Variants in PARD3 observed in about 807,000 individuals in gnomAD.
PARD3 encodes the protein par-3 family cell polarity regulator.
PARD3 carries 75 observed loss-of-function variants against 155.4 expected under a neutral mutation model. That is an observed-to-expected ratio of 0.48 (90% confidence interval 0.40 to 0.58). The LOEUF is 0.58. PARD3 is among the 20% of genes least tolerant of loss of function. The probability of loss-of-function intolerance (pLI) is 0.00; values close to 1 mark genes in which losing one functional copy is unlikely to be tolerated. For missense variants in PARD3, 1,642 were observed against 1,721.7 expected (o/e 0.95, Z 0.82); for synonymous variants, 576 against 610.5 (o/e 0.94, Z 0.83).
intron 22 of PARD3, among the ~76,000 whole-genome samples, chr10:34,260,968 A>T (rs1362609248): frequency 6.6e-6 from 1 of 152,322 alleles, no homozygotes; most frequent in East Asian, 1.9e-4. Context: ...TTCTTTTAAA[A>T]TCGACATTTT....
intron 22 of PARD3, among the ~76,000 whole-genome samples, chr10:34,175,967 A>G (rs1219125269): frequency 6.6e-6 from 1 of 152,234 alleles, no homozygotes; most frequent in Non-Finnish European, 1.5e-5. Context: ...TGGTGACTTC[A>G]GTCACTCAGC....
At chr10:34,199,485 G>C (rs959509301) in intron 22 of PARD3, among the ~76,000 whole-genome samples, 3 of 152,136 alleles carry the variant, frequency 2.0e-5, no homozygotes, top group East Asian at 1.9e-4. Context: ...AGTGAAGGCA[G>C]AGCTCAGAGT....
chr10:34,384,776 T>A (rs184353076), intron 7 of PARD3, among the ~76,000 whole-genome samples: 1 of 152,206 alleles, frequency 6.6e-6, no homozygotes, highest in African/African-American at 2.4e-5. Flanking sequence ...TGCTTTGCAT[T>A]TGAATTTGAT....
At chr10:34,316,336 C>T (rs1958002922) in intron 20 of PARD3, among the ~76,000 whole-genome samples, 1 of 152,136 alleles carries the variant, frequency 6.6e-6, no homozygotes, top group South Asian at 2.1e-4. Flanking sequence ...TTCAGTGCAA[C>T]TTCTGAACAA....
intron 22 of PARD3, among the ~76,000 whole-genome samples, chr10:34,261,757 AAAGGAAGG>A (rs1264812859): frequency 2.2e-4 from 18 of 80,446 alleles, no homozygotes; most frequent in African/African-American, 7.7e-4. Context: ...AGGAAGGAAG[AAAGGAAGG>A]AAGGAAGAAA....
intron 22 of PARD3, among the ~76,000 whole-genome samples, chr10:34,241,830 T>C (rs570932205): frequency 1.3e-5 from 2 of 152,156 alleles, no homozygotes; most frequent in Non-Finnish European, 2.9e-5. Context: ...AGGTTCTAAA[T>C]AGGCGTCATC....
At chr10:34,350,659 T>A (rs192775196) in intron 14 of PARD3, among the ~76,000 whole-genome samples, 27 of 150,618 alleles carry the variant, frequency 1.8e-4, no homozygotes, top group Admixed American at 3.3e-4. Flanking sequence ...GTGGTAGAAT[T>A]AAGCTTCATT....
At position 34,317,136 on chromosome 10, in the gene PARD3, T is replaced by C; in HGVS notation, c.3036A>G (p.Gly1012=). ...ACATGTCTCCCAAGCCCTTCAGCAT[T>C]CCCTTCTTGGCTTTCATTTTATCCT... The part of the protein sequence containing the change: ...KEKDKMKAKK[G]MLKGLGDMFR... The change falls in exon 20 of 25, where the codon GGA becomes GGG. Residue 1012 remains glycine, a synonymous_variant. Transcript: ENST00000374788. 6.4e-7 allele frequency: 1 copy of C among 1,567,732 alleles called. No individual in the cohort carries two copies. The highest frequency in any genetic ancestry group is 8.7e-7 in the Non-Finnish European group (1 of 1,155,000).
At chr10:34,531,501 C>T (rs1166226511) in intron 2 of PARD3, among the ~76,000 whole-genome samples, 1 of 152,174 alleles carries the variant, frequency 6.6e-6, no homozygotes, top group East Asian at 1.9e-4. Context: ...TCAATAGGTG[C>T]TTTTCCTTTA....
chr10:34,433,492 T>C (rs529719475), intron 5 of PARD3, among the ~76,000 whole-genome samples: 1 of 152,278 alleles, frequency 6.6e-6, no homozygotes, highest in African/African-American at 2.4e-5. Flanking sequence ...CAGCCAGAAG[T>C]TTATGAAAGT....
intron 22 of PARD3, among the ~76,000 whole-genome samples, chr10:34,245,495 G>C (rs1953886628): frequency 6.6e-6 from 1 of 152,122 alleles, no homozygotes. Context: ...ACAGGACTAA[G>C]AGGGATCAAG....
At chr10:34,335,648 G>A (rs1466254478) in intron 18 of PARD3, among the ~76,000 whole-genome samples, 4 of 152,034 alleles carry the variant, frequency 2.6e-5, no homozygotes, top group South Asian at 2.1e-4. Flanking sequence ...GAAGCCATAT[G>A]CATTATATAG....
At chr10:34,660,860 A>G (rs2093306559) in intron 2 of PARD3, among the ~76,000 whole-genome samples, 2 of 152,110 alleles carry the variant, frequency 1.3e-5, no homozygotes, top group Admixed American at 1.3e-4. Flanking sequence ...TTATTTTAAA[A>G]CATCACACAG....
At chr10:34,460,760 G>A (rs1008158756) in intron 4 of PARD3, among the ~76,000 whole-genome samples, 5 of 152,068 alleles carry the variant, frequency 3.3e-5, no homozygotes, top group Non-Finnish European at 7.3e-5. Context: ...ATGAACCTGG[G>A]AGGCAGAGCT....
chr10:34,762,005 C>T (rs946823680), intron 1 of PARD3, among the ~76,000 whole-genome samples: 3 of 152,106 alleles, frequency 2.0e-5, no homozygotes, highest in Admixed American at 2.0e-4. Flanking sequence ...AAAGAGCATT[C>T]AATTTTATTT....
intron 22 of PARD3, among the ~76,000 whole-genome samples, chr10:34,145,221 A>ATATATTTTTTT (rs1491430560): frequency 2.9e-5 from 1 of 33,968 alleles, no homozygotes; most frequent in African/African-American, 1.4e-4. Context: ...ATATATATAT[A>ATATATTTTTTT]TTTTTTTTTT....
In PARD3 at chr10:34,382,739, G is replaced by A; in HGVS notation, c.1200C>T (p.His400=). 2 of 1,614,218 alleles carry A rather than the reference G, an allele frequency of 1.2e-6. No individual in the cohort carries two copies. The highest frequency in any genetic ancestry group is 1.7e-6 in the Non-Finnish European group (2 of 1,180,034). The change falls in exon 9 of 25, where the codon CAC becomes CAT. Residue 400 remains histidine (H), a synonymous_variant. Transcript: ENST00000374788. ...TCAGTCGGGGTGCTCTCTGCACCGT[G>A]TGAAGCCCTGCACTGTTCACACTCC... The part of the protein sequence containing the change: ...DNRSVNSAGL[H]TVQRAPRLNH...
chr10:34,467,150 A>C (rs2078060079), intron 4 of PARD3, among the ~76,000 whole-genome samples: 1 of 152,158 alleles, frequency 6.6e-6, no homozygotes, highest in South Asian at 2.1e-4. Context: ...AAATGTGAAA[A>C]AAAGAGAAAG....
intron 1 of PARD3, among the ~76,000 whole-genome samples, chr10:34,720,193 G>A (rs2094581334): frequency 6.6e-6 from 1 of 152,172 alleles, no homozygotes; most frequent in Non-Finnish European, 1.5e-5. Context: ...ACTAGTTTGG[G>A]AGGCCCAGGC....
Sources: gnomAD v4.1 joint callset for allele counts (sites outside exome capture counted in the v4.1 genomes callset) on GRCh38, gnomAD v4.1.1 for gene constraint, MANE v1.5 for transcripts, NCBI Gene and HGNC (gene_info 2026-07-23, HGNC 2026-07-21) for gene names.